Variants in MYT1L observed in about 807,000 individuals in gnomAD.
The protein encoded by MYT1L is myelin transcription factor 1-like protein.
Under a neutral mutation model 126.7 loss-of-function variants are expected in MYT1L, and 12 were observed. The observed-to-expected ratio is 0.09, with a 90% CI of 0.06 to 0.15. The LOEUF (loss-of-function observed/expected upper bound fraction) is 0.15, where lower values mean the gene tolerates loss of function less well. MYT1L is among the 10% of genes least tolerant of loss of function. MYT1L has a pLI of 1.00. For missense variants in MYT1L, 979 were observed against 1,585.2 expected (o/e 0.62, Z 6.49); for synonymous variants, 541 against 604.2 (o/e 0.90, Z 1.53).
At chr2:1,834,886 G>A (rs1365581284) in intron 21 of MYT1L, among the ~76,000 whole-genome samples, 2 of 143,382 alleles carry the variant, frequency 1.4e-5, no homozygotes, top group African/African-American at 2.8e-5. Flanking sequence ...CACATACCAT[G>A]GGGATGGATA....
At chr2:2,221,811 C>T (rs2093881973) in intron 2 of MYT1L, among the ~76,000 whole-genome samples, 1 of 152,156 alleles carries the variant, frequency 6.6e-6, no homozygotes. Context: ...TGGAAGAGAA[C>T]TTTTAAAGAT....
At chr2:2,233,132 A>G (rs2094199599) in intron 2 of MYT1L, among the ~76,000 whole-genome samples, 1 of 152,216 alleles carries the variant, frequency 6.6e-6, no homozygotes, top group African/African-American at 2.4e-5. Flanking sequence ...ATGAATGAAT[A>G]ATATACACAT....
chr2:2,148,238 G>A (rs913157845), intron 3 of MYT1L, among the ~76,000 whole-genome samples: 8 of 152,216 alleles, frequency 5.3e-5, no homozygotes, highest in African/African-American at 1.9e-4. Context: ...CAGTTTCTTG[G>A]AAGATCATTT....
chr2:1,882,504 C>T (rs1009767491), intron 18 of MYT1L, among the ~76,000 whole-genome samples: 3 of 152,164 alleles, frequency 2.0e-5, no homozygotes, highest in Non-Finnish European at 2.9e-5. Flanking sequence ...GCTTTCTGTC[C>T]TAAAAGAGCT....
At chr2:2,178,656 C>T (rs377223275) in intron 2 of MYT1L, among the ~76,000 whole-genome samples, 4 of 152,082 alleles carry the variant, frequency 2.6e-5, no homozygotes, top group East Asian at 3.9e-4. Context: ...GACTTATCAC[C>T]AAGGCAGACC....
chr2:1,797,792 G>A (rs114183361), intron 23 of MYT1L, among the ~76,000 whole-genome samples: 4,654 of 151,798 alleles, frequency 0.031, 107 homozygotes, highest in East Asian at 0.067. Context: ...CTGGGCTTGA[G>A]AGGTAACAAG....
intron 3 of MYT1L, among the ~76,000 whole-genome samples, chr2:2,137,674 T>C (rs2083269007): frequency 6.6e-6 from 1 of 152,144 alleles, no homozygotes; most frequent in African/African-American, 2.4e-5. Flanking sequence ...CCTTACACCT[T>C]ATACAAAAAT....
At chr2:2,095,394 GT>G (rs1467685701) in intron 3 of MYT1L, among the ~76,000 whole-genome samples, 1 of 152,194 alleles carries the variant, frequency 6.6e-6, no homozygotes. Flanking sequence ...TGTTACAAGA[GT>G]TCTATGAAAA....
intron 4 of MYT1L, among the ~76,000 whole-genome samples, chr2:2,003,650 G>A (rs1257149278): frequency 6.6e-6 from 1 of 152,146 alleles, no homozygotes; most frequent in Non-Finnish European, 1.5e-5. Flanking sequence ...CTGTACCTGA[G>A]TCTTCAGTGC....
At chr2:1,984,948 T>C (rs1428465102) in intron 5 of MYT1L, among the ~76,000 whole-genome samples, 1 of 152,160 alleles carries the variant, frequency 6.6e-6, no homozygotes, top group East Asian at 1.9e-4. Context: ...GGGTCCCAGG[T>C]CTGCCAGAGA....
At position 1,979,381 on chromosome 2, in the gene MYT1L, A is replaced by C; in HGVS notation, c.89+140T>G. On this transcript the variant is annotated intron_variant, in intron 7 of 24. Transcript: ENST00000647738. The surrounding 1 kb of genome is among the most constrained non-coding windows in gnomAD (Gnocchi z 4.0). ...AAATTCGGGGAGGCTTTTTACGAGC[A>C]AGTCTCGGGGGAATTAATTTCATCA... 1 of 1,114,270 alleles carries C rather than the reference A, an allele frequency of 9.0e-7. No individual in the cohort carries two copies. Among genetic ancestry groups the C allele is most frequent in the South Asian group, 1.3e-5 (1 of 77,674 alleles). 69.0% of individuals were successfully genotyped at this position (1,114,270 alleles called of 1,614,324 possible). A position where few individuals can be genotyped will look rare whatever the true frequency, so the allele number is the denominator to read the frequency against.
intron 22 of MYT1L, among the ~76,000 whole-genome samples, chr2:1,803,657 G>A (rs894666614): frequency 8.5e-5 from 13 of 152,264 alleles, no homozygotes; most frequent in African/African-American, 2.9e-4. Flanking sequence ...GCTCTGTCCT[G>A]GGGGACCACC....
intron 2 of MYT1L, among the ~76,000 whole-genome samples, chr2:2,198,018 A>G (rs1456210303): frequency 6.6e-6 from 1 of 151,850 alleles, no homozygotes; most frequent in Non-Finnish European, 1.5e-5. Flanking sequence ...CACAATGAAT[A>G]TGTGTATATA....
intron 23 of MYT1L, among the ~76,000 whole-genome samples, chr2:1,798,414 A>G (rs1487140866): frequency 6.6e-6 from 1 of 152,196 alleles, no homozygotes; most frequent in Non-Finnish European, 1.5e-5. Flanking sequence ...TGTAGGCCTG[A>G]GCACTGACCC....
chr2:1,880,612 G>C (rs916912309), intron 18 of MYT1L, among the ~76,000 whole-genome samples: 1 of 152,216 alleles, frequency 6.6e-6, no homozygotes, highest in African/African-American at 2.4e-5. Context: ...ATTTTGTGGG[G>C]ATTTTTGTAC....
At chr2:2,007,432 A>G (rs1347103220) in intron 4 of MYT1L, among the ~76,000 whole-genome samples, 1 of 152,240 alleles carries the variant, frequency 6.6e-6, no homozygotes, top group African/African-American at 2.4e-5. Context: ...AAAACAAAAC[A>G]GAATTACAGA....
intron 1 of MYT1L, among the ~76,000 whole-genome samples, chr2:2,308,086 C>A (rs1364508568): frequency 6.6e-6 from 1 of 151,908 alleles, no homozygotes; most frequent in African/African-American, 2.4e-5. Context: ...TCTGTACACT[C>A]TACCTATACT....
intron 3 of MYT1L, among the ~76,000 whole-genome samples, chr2:2,085,951 C>A (rs1459360334): frequency 6.6e-6 from 1 of 152,158 alleles, no homozygotes; most frequent in Non-Finnish European, 1.5e-5. Context: ...TGGGCTTGAC[C>A]CAGGGAGAAG....
intron 3 of MYT1L, among the ~76,000 whole-genome samples, chr2:2,116,625 G>T (rs959824890): frequency 2.6e-5 from 4 of 152,192 alleles, no homozygotes; most frequent in African/African-American, 9.7e-5. Flanking sequence ...TTTGATCAAC[G>T]CAATGCAGTG....
Sources: allele counts gnomAD v4.1 joint callset (sites outside exome capture counted in the v4.1 genomes callset), GRCh38; gene constraint gnomAD v4.1.1; non-coding constraint Gnocchi (gnomAD v3.1); transcripts MANE v1.5; gene names NCBI Gene and HGNC (gene_info 2026-07-23, HGNC 2026-07-21).